Variants in GRID2 observed in about 807,000 individuals in gnomAD.
GRID2 encodes the protein glutamate receptor ionotropic, delta-2.
A neutral mutation model predicts 114.8 loss-of-function variants in GRID2; 33 were observed. That is an observed-to-expected ratio of 0.29 (90% CI 0.22 to 0.38). GRID2 has a LOEUF of 0.38. GRID2 is among the 10% of genes least tolerant of loss of function. The pLI is 1.00. For missense variants in GRID2, 1,184 were observed against 1,257.7 expected (o/e 0.94, Z 0.89); for synonymous variants, 505 against 449.9 (o/e 1.12, Z -1.55).
chr4:93,777,548 C>T (rs1418455181), downstream of GRID2, among the ~76,000 whole-genome samples: 1 of 152,184 alleles, frequency 6.6e-6, no homozygotes, highest in East Asian at 1.9e-4. Context: ...GTCTAGCCTT[C>T]ATGAGGAAGG....
intron 1 of GRID2, among the ~76,000 whole-genome samples, chr4:92,476,896 G>C (rs894119633): frequency 2.6e-5 from 4 of 151,968 alleles, no homozygotes; most frequent in Non-Finnish European, 5.9e-5. Flanking sequence ...AATTTATAAG[G>C]CTAATAAAAT....
At chr4:93,384,847 A>T (rs751842229) in intron 8 of GRID2, among the ~76,000 whole-genome samples, 12 of 152,188 alleles carry the variant, frequency 7.9e-5, no homozygotes, top group Non-Finnish European at 1.3e-4. Context: ...GTTATAGCTA[A>T]GAGTTGTGAA....
intron 2 of GRID2, among the ~76,000 whole-genome samples, chr4:92,633,289 GA>G (rs892097034): frequency 2.8e-4 from 42 of 150,836 alleles, no homozygotes; most frequent in Admixed American, 6.6e-4. Context: ...ATGTGAAAGG[GA>G]AAAAAAAACT....
At chr4:93,170,744 T>C (rs921909847) in intron 4 of GRID2, among the ~76,000 whole-genome samples, 7 of 152,110 alleles carry the variant, frequency 4.6e-5, no homozygotes, top group Non-Finnish European at 8.8e-5. Flanking sequence ...TGAATTACAG[T>C]CTTACATACC....
intron 1 of GRID2, among the ~76,000 whole-genome samples, chr4:92,541,688 A>G (rs980174007): frequency 6.6e-6 from 1 of 152,154 alleles, no homozygotes; most frequent in Admixed American, 6.6e-5. Context: ...ATTGTTTTTA[A>G]TGAAGAGTGA....
intron 8 of GRID2, among the ~76,000 whole-genome samples, chr4:93,297,292 T>C (rs1172197808): frequency 6.6e-6 from 1 of 152,192 alleles, no homozygotes; most frequent in Non-Finnish European, 1.5e-5. Context: ...AACAATAAAA[T>C]TACCGATAAG....
At chr4:93,757,704 C>T (rs994725349) in intron 14 of GRID2, among the ~76,000 whole-genome samples, 4 of 152,170 alleles carry the variant, frequency 2.6e-5, no homozygotes, top group African/African-American at 9.7e-5. Flanking sequence ...GCCTATAATC[C>T]CAGCACTTTG....
chr4:92,472,954 G>C (rs189496715), intron 1 of GRID2, among the ~76,000 whole-genome samples: 5 of 151,670 alleles, frequency 3.3e-5, no homozygotes, highest in Non-Finnish European at 7.4e-5. Context: ...TTATTTTAGC[G>C]TTGTGTCTAT....
intron 2 of GRID2, among the ~76,000 whole-genome samples, chr4:92,832,516 C>T (rs1742186544): frequency 6.6e-6 from 1 of 152,012 alleles, no homozygotes; most frequent in Admixed American, 6.6e-5. Flanking sequence ...GCCTCAGCCT[C>T]CAGAGTACCT....
At chr4:92,604,582 G>T (rs1386405033) in intron 2 of GRID2, among the ~76,000 whole-genome samples, 1 of 152,062 alleles carries the variant, frequency 6.6e-6, no homozygotes, top group Non-Finnish European at 1.5e-5. Context: ...GGCATGTGGG[G>T]CTTAATAGCT....
intron 2 of GRID2, among the ~76,000 whole-genome samples, chr4:92,989,114 A>T (rs1397317898): frequency 6.6e-6 from 1 of 151,710 alleles, no homozygotes; most frequent in African/African-American, 2.4e-5. Context: ...CATCTCTACT[A>T]AAAATACAAA....
chr4:92,806,219 C>G (rs938599673), intron 2 of GRID2, among the ~76,000 whole-genome samples: 4 of 140,728 alleles, frequency 2.8e-5, no homozygotes, highest in Non-Finnish European at 6.2e-5. Context: ...ACACGGATAT[C>G]TAAATAAATC....
chr4:92,903,748 A>C (rs1747751876), intron 2 of GRID2, among the ~76,000 whole-genome samples: 1 of 151,942 alleles, frequency 6.6e-6, no homozygotes, highest in East Asian at 1.9e-4. Context: ...AATTTCTCTA[A>C]AAATGTCATC....
chr4:92,508,682 C>T (rs944654245), intron 1 of GRID2, among the ~76,000 whole-genome samples: 1 of 151,756 alleles, frequency 6.6e-6, no homozygotes, highest in Non-Finnish European at 1.5e-5. Flanking sequence ...GAAGATGGTG[C>T]GAGAGAGTTG....
chr4:93,066,649 C>G (rs1451445244), intron 2 of GRID2, among the ~76,000 whole-genome samples: 3 of 151,838 alleles, frequency 2.0e-5, no homozygotes, highest in Non-Finnish European at 4.4e-5. Flanking sequence ...ATATTTTTAT[C>G]TTATAATAAG....
intron 8 of GRID2, among the ~76,000 whole-genome samples, chr4:93,284,323 G>T (rs1752929942): frequency 6.6e-6 from 1 of 151,996 alleles, no homozygotes; most frequent in Admixed American, 6.6e-5. Context: ...TGGACACATA[G>T]AGGGGATCAA....
intron 2 of GRID2, chr4:92,823,102 T>A (rs1466617354): frequency 6.6e-6 from 1 of 152,062 alleles, no homozygotes; most frequent in Non-Finnish European, 1.5e-5. Flanking sequence ...TAATTTAGAG[T>A]CTATGTGAAG....
At chr4:93,195,948 C>T (rs1437122763) in intron 4 of GRID2, among the ~76,000 whole-genome samples, 1 of 152,218 alleles carries the variant, frequency 6.6e-6, no homozygotes, top group South Asian at 2.1e-4. Flanking sequence ...GCTCCTTTGT[C>T]GAATTCTAGA....
intron 2 of GRID2, among the ~76,000 whole-genome samples, chr4:92,634,875 G>GAA (rs3077531): frequency 0.28 from 41,580 of 145,956 alleles, 5,712 homozygotes; most frequent in African/African-American, 0.35. Context: ...GAGAGAGAGA[G>GAA]AGAAAGAGAG....
Sources: allele counts gnomAD v4.1 joint callset (sites outside exome capture counted in the v4.1 genomes callset), GRCh38; gene constraint gnomAD v4.1.1; transcripts MANE v1.5; gene names NCBI Gene and HGNC (gene_info 2026-07-23, HGNC 2026-07-21).